Variants in HEXB observed in about 807,000 individuals in gnomAD.
HEXB encodes beta-hexosaminidase subunit beta.
In HEXB, 51 loss-of-function variants were observed where a neutral mutation model predicts 71.2. The observed-to-expected ratio is 0.72, with a 90% confidence interval of 0.57 to 0.90. HEXB has a LOEUF of 0.90. Among genes scored for constraint, HEXB ranks in the 40% least tolerant of loss-of-function variants. The pLI is 0.00. For missense variants in HEXB, 617 were observed against 677.0 expected, an observed-to-expected ratio of 0.91 and a Z score of 0.98; for synonymous variants, 266 against 249.3, an observed-to-expected ratio of 1.07 and a Z score of -0.63.
chr5:74,703,915 G>A (rs1367250783), intron 5 of HEXB, among the ~76,000 whole-genome samples: 1 of 152,178 alleles, frequency 6.6e-6, no homozygotes, highest in East Asian at 1.9e-4. Flanking sequence ...CTGGGCCCAA[G>A]TGATCTTCCT....
intron 1 of HEXB, among the ~76,000 whole-genome samples, chr5:74,642,440 A>G (rs1419750274): frequency 6.6e-6 from 1 of 152,214 alleles, no homozygotes; most frequent in Non-Finnish European, 1.5e-5. Flanking sequence ...TGTAGACTCC[A>G]GAGATAGGTG....
intron 1 of HEXB, among the ~76,000 whole-genome samples, chr5:74,642,064 G>GC (rs150885044): frequency 0.029 from 4,436 of 152,290 alleles, 97 homozygotes; most frequent in South Asian, 0.08. Flanking sequence ...GGCTAAGGAG[G>GC]CCCCACATGG....
intron 1 of HEXB, among the ~76,000 whole-genome samples, chr5:74,659,257 C>A (rs551926158): frequency 6.6e-6 from 1 of 152,156 alleles, no homozygotes; most frequent in African/African-American, 2.4e-5. Context: ...GACCTCACAG[C>A]GTTCATGGCA....
At chr5:74,675,133 C>A (rs1324566659) in intron 1 of HEXB, among the ~76,000 whole-genome samples, 2 of 152,132 alleles carry the variant, frequency 1.3e-5, no homozygotes, top group Non-Finnish European at 2.9e-5. Flanking sequence ...TATAAGCAAC[C>A]AGCAGAGTGA....
At chr5:74,677,490 CTTTTT>C (rs566302720) in intron 1 of HEXB, among the ~76,000 whole-genome samples, 3 of 77,276 alleles carry the variant, frequency 3.9e-5, no homozygotes, top group African/African-American at 8.6e-5. Context: ...TCTTCTTCTT[CTTTTT>C]TTTTTTTTTT....
rs756892105 is a variant in HEXB, at chr5:74,652,268, A to G, written c.-377+11710A>G. On this transcript the variant is annotated intron_variant, in intron 1 of 13. Transcript: ENST00000511181. The surrounding 1 kb of genome is among the most constrained non-coding windows in gnomAD (Gnocchi z 5.4). ...TGCTCATGAGGAAACAGGGGCAATG[A>G]TGCGTTTGAACTTGTGCAAGAATCC... 1.3e-5 allele frequency among the ~76,000 whole-genome samples: 2 copies of G among 152,204 alleles called. No homozygotes were observed. The highest frequency in any genetic ancestry group is 2.9e-5 in the Non-Finnish European group (2 of 68,038).
At chr5:74,656,020 G>A (rs139342447) in intron 1 of HEXB, among the ~76,000 whole-genome samples, 106 of 152,312 alleles carry the variant, frequency 7.0e-4, no homozygotes, top group African/African-American at 2.4e-3. Context: ...TAAGTAGCTA[G>A]TTCATCAATC....
chr5:74,710,438 G>A (rs989165441), intron 6 of HEXB, among the ~76,000 whole-genome samples: 2 of 152,124 alleles, frequency 1.3e-5, no homozygotes, highest in African/African-American at 4.8e-5. Context: ...TTCTGGCCAG[G>A]GCAATTAGGC....
At chr5:74,644,764 C>CTTTTTTTTTTTTTTTTTTT (rs3058406) in intron 1 of HEXB, among the ~76,000 whole-genome samples, 4 of 72,936 alleles carry the variant, frequency 5.5e-5, no homozygotes, top group Non-Finnish European at 9.3e-5. Flanking sequence ...CTTTTTTTTC[C>CTTTTTTTTTTTTTTTTTTT]TTTTTTTTTT....
At chr5:74,708,075 G>T (rs1278692944) in intron 6 of HEXB, among the ~76,000 whole-genome samples, 10 of 151,650 alleles carry the variant, frequency 6.6e-5, no homozygotes, top group African/African-American at 2.4e-4. Flanking sequence ...AAGCCCATCA[G>T]ACTAACAGCG....
chr5:74,694,475 C>T (rs1749067203), intron 3 of HEXB, among the ~76,000 whole-genome samples: 1 of 152,128 alleles, frequency 6.6e-6, no homozygotes, highest in African/African-American at 2.4e-5. Context: ...AGGCAGTGGG[C>T]AGGGAGTAAC....
intron 1 of HEXB, among the ~76,000 whole-genome samples, chr5:74,655,038 A>C (rs997643556): frequency 1.3e-5 from 2 of 152,148 alleles, no homozygotes; most frequent in Non-Finnish European, 2.9e-5. Flanking sequence ...AGGAGCAGGG[A>C]CCAGGCCATG....
chr5:74,666,448 G>A (rs951892215), intron 1 of HEXB, among the ~76,000 whole-genome samples: 1 of 152,194 alleles, frequency 6.6e-6, no homozygotes, highest in African/African-American at 2.4e-5. Flanking sequence ...TGGAGGCCTG[G>A]TTGTCATTGT....
chr5:74,650,829 G>A (rs1748090300), intron 1 of HEXB, among the ~76,000 whole-genome samples: 2 of 151,552 alleles, frequency 1.3e-5, no homozygotes, highest in Admixed American at 1.3e-4. Flanking sequence ...GGGAGGCTGA[G>A]GGAGGAGAAT....
At chr5:74,651,073 A>G (rs1014947905) in intron 1 of HEXB, among the ~76,000 whole-genome samples, 1 of 152,242 alleles carries the variant, frequency 6.6e-6, no homozygotes, top group African/African-American at 2.4e-5. Context: ...CCATTCAGTA[A>G]TATGACCATT....
chr5:74,720,759 AT>A lies in HEXB; in HGVS notation c.1613+14del, dbSNP rs754704434. 6.1e-4 allele frequency: 978 copies of A among 1,594,652 alleles called. No homozygotes were observed. The highest frequency in any genetic ancestry group is 7.8e-4 in the Non-Finnish European group (904 of 1,162,302). On this transcript the variant is annotated intron_variant, in intron 13 of 13. Transcript: ENST00000261416. Reference sequence around the variant, plus strand: ...TGCAGGATGGTCGAGTAAGAAATCTATTAAGTCCAGTGTGATTTTTAACCTT... The same window carrying A: ...TGCAGGATGGTCGAGTAAGAAATCTATAAGTCCAGTGTGATTTTTAACCTT...
intron 1 of HEXB, among the ~76,000 whole-genome samples, chr5:74,657,240 T>C (rs1748236812): frequency 6.6e-6 from 1 of 152,150 alleles, no homozygotes; most frequent in Non-Finnish European, 1.5e-5. Flanking sequence ...GCCCTACTTA[T>C]CCAGTCTCAT....
At chr5:74,674,804 A>C (rs559269478) in intron 1 of HEXB, among the ~76,000 whole-genome samples, 2 of 152,230 alleles carry the variant, frequency 1.3e-5, no homozygotes, top group Admixed American at 1.3e-4. Context: ...GGTTCCAAAA[A>C]GCTTCTAAAT....
chr5:74,715,303 G>GAT (rs1436225120), intron 7 of HEXB, among the ~76,000 whole-genome samples: 2 of 152,122 alleles, frequency 1.3e-5, no homozygotes, highest in Admixed American at 1.3e-4. Context: ...TAAAATCTCA[G>GAT]ATATAATGGG....
Sources: gnomAD v4.1 joint callset for allele counts (sites outside exome capture counted in the v4.1 genomes callset) on GRCh38, gnomAD v4.1.1 for gene constraint, Gnocchi (gnomAD v3.1) non-coding constraint, MANE v1.5 for transcripts, NCBI Gene and HGNC (gene_info 2026-07-23, HGNC 2026-07-21) for gene names.